Variants in ZNF761 observed in about 807,000 individuals in gnomAD.
ZNF761 encodes zinc finger protein 761.
In ZNF761, 43 loss-of-function variants were observed where a neutral mutation model predicts 59.9. That is an observed-to-expected ratio of 0.72 (90% confidence interval 0.56 to 0.92). The LOEUF is 0.92. ZNF761 is among the 40% of genes least tolerant of loss of function. ZNF761 has a pLI of 0.00. For synonymous variants in ZNF761, 294 were observed against 304.8 expected, an observed-to-expected ratio of 0.96 and a Z score of 0.37; for missense variants, 850 against 906.1, an observed-to-expected ratio of 0.94 and a Z score of 0.79.
In ZNF761 at chr19:53,432,364, G is replaced by A. The variant is rs560012688; in HGVS notation, c.-185+336G>A. Among the ~76,000 whole-genome samples, 136 of 152,268 alleles carry A rather than the reference G, an allele frequency of 8.9e-4. 1 individual carries two copies. Among genetic ancestry groups the A allele is most frequent in the African/African-American group, 3.2e-3 (132 of 41,544 alleles). ...ATTCTCGCCTTTGTCGGCCCCTGGA[G>A]CCCAGCGCCGCTGCCCCAGTCCCGG... On this transcript the variant is annotated intron_variant, in intron 1 of 4. Transcript: ENST00000684525.
intron 1 of ZNF761, among the ~76,000 whole-genome samples, chr19:53,438,764 C>T (rs2086068418): frequency 1.3e-5 from 2 of 152,236 alleles, no homozygotes; most frequent in African/African-American, 2.4e-5. Flanking sequence ...CAATATGACA[C>T]CTAGATATGT....
chr19:53,453,195 G>A (rs968430291), intron 4 of ZNF761, among the ~76,000 whole-genome samples: 11 of 152,108 alleles, frequency 7.2e-5, no homozygotes, highest in Non-Finnish European at 1.6e-4. Context: ...GTAGAGTTGG[G>A]ATTTCACCAT....
rs749860289 is a variant in ZNF761, at chr19:53,455,135, A to G, written c.628A>G (p.Met210Val). 6 of 1,614,194 alleles carry G rather than the reference A, an allele frequency of 3.7e-6. No homozygotes were observed. Among genetic ancestry groups the G allele is most frequent in the Non-Finnish European group, 4.2e-6 (5 of 1,180,026 alleles). The change falls in exon 5 of 5, where the codon ATG becomes GTG. Residue 210 changes from methionine to valine, a missense_variant. Physicochemically the swap from Met to Val is conservative, Grantham distance 21. Coordinates refer to ENST00000684525, the MANE Select transcript of ZNF761 (RefSeq NM_001289951.2). ...SLLTQKQEVH[M>V]REKSFQCNES... ...ACTCACACAAAAACAGGAAGTACAC[A>G]TGAGAGAAAAATCTTTCCAATGTAA...
intron 1 of ZNF761, chr19:53,444,756 C>G (rs1360246380): frequency 6.6e-6 from 1 of 152,234 alleles, no homozygotes; most frequent in Non-Finnish European, 1.5e-5. Context: ...GACTGGCCCC[C>G]CTTCAGGGTT....
intron 1 of ZNF761, among the ~76,000 whole-genome samples, chr19:53,439,030 TTGG>T (rs1381971708): frequency 6.6e-6 from 1 of 151,998 alleles, no homozygotes; most frequent in African/African-American, 2.4e-5. Context: ...TCCCAACACT[TTGG>T]GCGGCCACAT....
intron 1 of ZNF761, among the ~76,000 whole-genome samples, chr19:53,432,463 A>G (rs1400837289): frequency 6.6e-6 from 1 of 150,916 alleles, no homozygotes; most frequent in Admixed American, 6.6e-5. Flanking sequence ...TCGCCCCTTC[A>G]CCTCCCTCCT....
At chr19:53,434,348 G>C (rs2086012330) in intron 1 of ZNF761, among the ~76,000 whole-genome samples, 1 of 152,052 alleles carries the variant, frequency 6.6e-6, no homozygotes, top group South Asian at 2.1e-4. Flanking sequence ...TGTTGCAGTG[G>C]GAGTAAGAAG....
intron 3 of ZNF761, among the ~76,000 whole-genome samples, chr19:53,448,980 T>C (rs1239984412): frequency 6.6e-6 from 1 of 152,108 alleles, no homozygotes; most frequent in Non-Finnish European, 1.5e-5. Context: ...TTGTCATCTC[T>C]GAAGACATCA....
rs537922232 is a variant in ZNF761, at chr19:53,440,886, G to T, written c.-184-5341G>T. On this transcript the variant is annotated intron_variant, in intron 1 of 4. Coordinates refer to ENST00000684525, the MANE Select transcript of ZNF761 (RefSeq NM_001289951.2). ...GAAACGCGTTTCACTACGTTTCCCA[G>T]GCTGGTCTCAACATCCTGAGCTCGA... is the stretch of plus-strand genomic sequence containing the variant. Among the ~76,000 whole-genome samples, 3 of 152,204 alleles carry T rather than the reference G, an allele frequency of 2.0e-5. No individual in the cohort carries two copies. The East Asian group carries it at 5.8e-4, about 29-fold the overall frequency.
intron 4 of ZNF761, among the ~76,000 whole-genome samples, chr19:53,451,778 G>A (rs1003733496): frequency 6.8e-6 from 1 of 148,010 alleles, no homozygotes; most frequent in African/African-American, 2.5e-5. Flanking sequence ...TTTTAGAAAC[G>A]GGGTTTCACC....
intron 4 of ZNF761, among the ~76,000 whole-genome samples, chr19:53,451,175 AC>A (rs1367706375): frequency 6.6e-6 from 1 of 152,180 alleles, no homozygotes; most frequent in Non-Finnish European, 1.5e-5. Context: ...TACACTTATA[AC>A]AGTTTATGTG....
In ZNF761 at chr19:53,455,852, C is replaced by T. The variant is rs149836299; in HGVS notation, c.1345C>T (p.Arg449Trp). 76 of 1,613,476 alleles carry T rather than the reference C, an allele frequency of 4.7e-5. No homozygotes were observed. The highest frequency in any genetic ancestry group is 6.7e-5 in the African/African-American group (5 of 74,842). The change falls in exon 5 of 5, where the codon CGG (arginine) becomes TGG (tryptophan). Residue 449 changes from arginine (R) to tryptophan (W), a missense_variant. Arg to Trp is a moderately radical substitution (Grantham distance 101). Coordinates refer to ENST00000684525, the MANE Select transcript of ZNF761 (RefSeq NM_001289951.2). Reference sequence around the variant, plus strand: ...TAATGAGTGTGGAAAGACCTTTAGCCGGACATCATCCCTTACATGCCATCG... The same window carrying T: ...TAATGAGTGTGGAAAGACCTTTAGCTGGACATCATCCCTTACATGCCATCG... ...KCNECGKTFS[R>W]TSSLTCHRRR...
At chr19:53,442,497 C>G in intron 1 of ZNF761, 1 of 732,464 alleles carries the variant, frequency 1.4e-6, no homozygotes, top group Non-Finnish European at 2.5e-6. Context: ...AGTAGCCAAG[C>G]TGGAAAAGAC....
intron 1 of ZNF761, among the ~76,000 whole-genome samples, chr19:53,433,216 A>G (rs1379003061): frequency 2.6e-5 from 4 of 152,160 alleles, no homozygotes; most frequent in Non-Finnish European, 5.9e-5. Flanking sequence ...GCATTTCAAC[A>G]AAGACGGAGT....
intron 1 of ZNF761, among the ~76,000 whole-genome samples, chr19:53,436,947 G>T (rs73935592): frequency 7.2e-5 from 11 of 152,174 alleles, no homozygotes; most frequent in African/African-American, 1.7e-4. Flanking sequence ...GGCCCCTGTC[G>T]TGGGTTATTC....
Position 53,442,136 on chromosome 19 carries a change from A to T in ZNF761, c.-184-4091A>T. 2.8e-6 allele frequency: 3 copies of T among 1,070,722 alleles called. No homozygotes were observed. The South Asian group carries it at 3.8e-5, about 14-fold the overall frequency. 66.3% of individuals were successfully genotyped at this position (1,070,722 alleles called of 1,614,324 possible). Reference sequence around the variant, plus strand: ...TGCTGATGAGAGTGAGAGAGATACAAAGGTTATTGAAATCTGGGCCTTAAA... The same window carrying T: ...TGCTGATGAGAGTGAGAGAGATACATAGGTTATTGAAATCTGGGCCTTAAA... On this transcript the variant is annotated intron_variant, in intron 1 of 4. Coordinates refer to ENST00000684525, the MANE Select transcript of ZNF761 (RefSeq NM_001289951.2).
At chr19:53,452,107 C>T (rs973307698) in intron 4 of ZNF761, among the ~76,000 whole-genome samples, 2 of 152,052 alleles carry the variant, frequency 1.3e-5, no homozygotes, top group Non-Finnish European at 1.5e-5. Flanking sequence ...CCAACAGTTT[C>T]GGATGCCAAG....
chr19:53,432,304 C>G (rs577420886), intron 1 of ZNF761, among the ~76,000 whole-genome samples: 1 of 152,340 alleles, frequency 6.6e-6, no homozygotes, highest in African/African-American at 2.4e-5. Context: ...ACTCCTCCCG[C>G]CCCGCGCTTT....
chr19:53,432,766 A>G (rs2147116232), intron 1 of ZNF761, among the ~76,000 whole-genome samples: 1 of 152,276 alleles, frequency 6.6e-6, no homozygotes, highest in East Asian at 1.9e-4. Context: ...TGGGTGAGGG[A>G]TTTGCCAAGA....
Sources: allele counts gnomAD v4.1 joint callset (sites outside exome capture counted in the v4.1 genomes callset), GRCh38; gene constraint gnomAD v4.1.1; transcripts MANE v1.5; gene names NCBI Gene and HGNC (gene_info 2026-07-23, HGNC 2026-07-21).